Variants in KIT observed in about 807,000 individuals in gnomAD.
The protein encoded by KIT is mast/stem cell growth factor receptor Kit.
In KIT, 16 loss-of-function variants were observed where a neutral mutation model predicts 105.7. The ratio of observed to expected loss-of-function variants is 0.15; its 90% CI spans 0.10 to 0.23. The LOEUF (loss-of-function observed/expected upper bound fraction) is 0.23, where lower values mean the gene tolerates loss of function less well. KIT is among the 10% of genes least tolerant of loss of function. The pLI, the probability that KIT is intolerant of heterozygous loss-of-function variation, is 1.00. For missense variants in KIT, 858 were observed against 1,213.8 expected, an observed-to-expected ratio of 0.71 and a Z score of 4.36; for synonymous variants, 438 against 441.1, an observed-to-expected ratio of 0.99 and a Z score of 0.09.
rs2109811781 is a variant in KIT, at chr4:54,736,620, C to A, written c.2596+11C>A. On this transcript the variant is annotated intron_variant, in intron 18 of 20. Transcript: ENST00000288135. ...AGCTGTTCTCTTTAGGTAAAATGAT[C>A]CTTGCCAAAGACAACTTCATTAGAC... The A allele has an allele frequency of 6.2e-7, 1 of 1,607,286 alleles. No individual in the cohort carries two copies. Among genetic ancestry groups the A allele is most frequent in the Non-Finnish European group, 8.5e-7 (1 of 1,173,806 alleles).
intron 1 of KIT, among the ~76,000 whole-genome samples, chr4:54,662,577 T>G (rs1317749596): frequency 6.6e-6 from 1 of 152,174 alleles, no homozygotes; most frequent in Non-Finnish European, 1.5e-5. Flanking sequence ...AAGGCATTTT[T>G]TTTGTTTGTT....
At chr4:54,661,975 G>T (rs1717305777) in intron 1 of KIT, among the ~76,000 whole-genome samples, 1 of 152,194 alleles carries the variant, frequency 6.6e-6, no homozygotes, top group African/African-American at 2.4e-5. Context: ...GATAGCCCGA[G>T]GAGACATGTT....
At chr4:54,674,036 G>T (rs908445044) in intron 1 of KIT, among the ~76,000 whole-genome samples, 1 of 152,188 alleles carries the variant, frequency 6.6e-6, no homozygotes, top group Admixed American at 6.5e-5. Context: ...CTCCCAAAGT[G>T]CCAGGATTAC....
At position 54,725,250 on chromosome 4, in the gene KIT, G is replaced by A. The variant is rs191239666; in HGVS notation, c.1347-607G>A. Among the ~76,000 whole-genome samples the A allele has an allele frequency of 1.2e-4, 19 of 152,062 alleles. No individual in the cohort carries two copies. The East Asian group carries it at 2.5e-3, about 20-fold the overall frequency. ...CTCCCGAGTAGCTGGGATTACAGGC[G>A]CCTGCCACCACGCCCAGCTAATTTT... On this transcript the variant is annotated intron_variant, in intron 8 of 20. Coordinates refer to ENST00000288135, the MANE Select transcript of KIT (RefSeq NM_000222.3).
chr4:54,694,676 G>A (rs1719935685), intron 1 of KIT, among the ~76,000 whole-genome samples: 2 of 152,284 alleles, frequency 1.3e-5, no homozygotes, highest in South Asian at 4.1e-4. Flanking sequence ...CACGGCACCT[G>A]GCCAGCAGTT....
chr4:54,675,734 A>G (rs944696609), intron 1 of KIT, among the ~76,000 whole-genome samples: 1 of 152,204 alleles, frequency 6.6e-6, no homozygotes, highest in Non-Finnish European at 1.5e-5. Flanking sequence ...GTGGAAGAAC[A>G]CAGACTGTCC....
intron 7 of KIT, among the ~76,000 whole-genome samples, chr4:54,720,359 A>G (rs545331435): frequency 2.0e-5 from 3 of 152,330 alleles, no homozygotes; most frequent in Admixed American, 2.0e-4. Flanking sequence ...TGCTTAATTA[A>G]CCGGCACATG....
rs1722626442 is a variant in KIT at position 54,731,961 on chromosome 4, A to T, written c.2324A>T (p.Gln775Leu). 6.2e-7 allele frequency: 1 copy of T among 1,613,398 alleles called. No homozygotes were observed. Among genetic ancestry groups the T allele is most frequent in the African/African-American group, 1.3e-5 (1 of 74,810 alleles). The stretch of plus-strand genomic sequence containing the variant: ...GAAGACTTGCTGAGCTTTTCTTACC[A>T]GGTGGCAAAGGGCATGGCTTTCCTC... ...DLEDLLSFSY[Q>L]VAKGMAFLAS... Residue 775 changes from glutamine to leucine, a missense_variant, in exon 16 of 21, where the codon CAG (glutamine) becomes CTG (leucine). Gln to Leu is a moderately radical substitution (Grantham distance 113, BLOSUM62 -2). This residue lies in a region of KIT where 158 missense variants were observed against 218.7 expected (regional missense o/e 0.72). Coordinates refer to ENST00000288135, the MANE Select transcript of KIT (RefSeq NM_000222.3).
chr4:54,714,239 C>T (rs1721327154), intron 7 of KIT, among the ~76,000 whole-genome samples: 1 of 152,106 alleles, frequency 6.6e-6, no homozygotes, highest in African/African-American at 2.4e-5. Flanking sequence ...TCTTAATAGA[C>T]ATTAACCTTT....
intron 1 of KIT, among the ~76,000 whole-genome samples, chr4:54,670,354 A>T (rs1457407195): frequency 6.6e-6 from 1 of 152,114 alleles, no homozygotes; most frequent in African/African-American, 2.4e-5. Context: ...TACACCTGGG[A>T]TTCTTAGGCC....
chr4:54,681,615 T>C (rs1422947787), intron 1 of KIT, among the ~76,000 whole-genome samples: 1 of 152,102 alleles, frequency 6.6e-6, no homozygotes, highest in Non-Finnish European at 1.5e-5. Flanking sequence ...ACCACATAAT[T>C]AGCTGAGAAA....
intron 7 of KIT, among the ~76,000 whole-genome samples, chr4:54,716,227 G>A (rs965058652): frequency 3.9e-5 from 6 of 152,120 alleles, no homozygotes; most frequent in African/African-American, 1.2e-4. Flanking sequence ...GTTAAATAAA[G>A]TGCCGAATAG....
chr4:54,713,082 A>G (rs1381711877), intron 7 of KIT, among the ~76,000 whole-genome samples: 2 of 152,066 alleles, frequency 1.3e-5, no homozygotes, highest in African/African-American at 4.8e-5. Context: ...TTGAAAAAAA[A>G]TCTAGTTAAC....
At chr4:54,735,915 A>T (rs529589562) in intron 17 of KIT, among the ~76,000 whole-genome samples, 262 of 152,180 alleles carry the variant, frequency 1.7e-3, no homozygotes, top group Non-Finnish European at 3.2e-3. Context: ...ATGGTCCAAG[A>T]TGACCACCAG....
intron 1 of KIT, among the ~76,000 whole-genome samples, chr4:54,690,168 C>T (rs1392472474): frequency 6.6e-6 from 1 of 151,608 alleles, no homozygotes; most frequent in African/African-American, 2.4e-5. Context: ...GGGTTGTTTA[C>T]ACCTTTTGGC....
At chr4:54,658,865 C>T (rs922672197) in intron 1 of KIT, among the ~76,000 whole-genome samples, 3 of 152,156 alleles carry the variant, frequency 2.0e-5, no homozygotes, top group African/African-American at 7.2e-5. Flanking sequence ...CGTGCTCGCC[C>T]CTTTCTGCCG....
At chr4:54,707,589 A>G (rs929722002) in intron 6 of KIT, among the ~76,000 whole-genome samples, 9 of 152,252 alleles carry the variant, frequency 5.9e-5, no homozygotes, top group Non-Finnish European at 1.0e-4. Flanking sequence ...TACTCGGGAT[A>G]CAGCAAGTCT....
intron 7 of KIT, among the ~76,000 whole-genome samples, chr4:54,716,947 A>G (rs539368395): frequency 2.0e-5 from 3 of 152,338 alleles, no homozygotes; most frequent in South Asian, 2.1e-4. Flanking sequence ...TAGCTAATCT[A>G]TGTAAAAATC....
intron 7 of KIT, among the ~76,000 whole-genome samples, chr4:54,721,349 T>C (rs1721858685): frequency 6.6e-6 from 1 of 152,174 alleles, no homozygotes; most frequent in Non-Finnish European, 1.5e-5. Flanking sequence ...CAAATAGCAC[T>C]CTCCTAAGGG....
Sources: allele counts gnomAD v4.1 joint callset (sites outside exome capture counted in the v4.1 genomes callset), GRCh38; gene constraint gnomAD v4.1.1; regional missense constraint gnomAD v4.1.1; transcripts MANE v1.5; gene names NCBI Gene and HGNC (gene_info 2026-07-23, HGNC 2026-07-21).